Variants in ADGRB3 observed in about 807,000 individuals in gnomAD.
ADGRB3 encodes the protein adhesion G protein-coupled receptor B3.
In ADGRB3, 37 loss-of-function variants were observed where a neutral mutation model predicts 193.4. The observed-to-expected ratio is 0.19, with a 90% CI of 0.15 to 0.25. The LOEUF (loss-of-function observed/expected upper bound fraction) is 0.25. Among genes scored for constraint, ADGRB3 ranks in the 10% least tolerant of loss-of-function variants. ADGRB3 has a pLI of 1.00. For synonymous variants in ADGRB3, 690 were observed against 644.2 expected, an observed-to-expected ratio of 1.07 and a Z score of -1.08; for missense variants, 1,637 against 1,852.9, an observed-to-expected ratio of 0.88 and a Z score of 2.14.
chr6:69,304,918 T>C (rs1215324683), intron 20 of ADGRB3, among the ~76,000 whole-genome samples: 1 of 151,562 alleles, frequency 6.6e-6, no homozygotes, highest in Non-Finnish European at 1.5e-5. Context: ...AATGAATCTG[T>C]AATTTTCAAA....
chr6:68,991,491 C>A (rs1286949679), intron 10 of ADGRB3, among the ~76,000 whole-genome samples: 6 of 151,686 alleles, frequency 4.0e-5, no homozygotes, highest in African/African-American at 1.2e-4. Context: ...TCAGGTAAGA[C>A]CTTTCTGAGA....
intron 3 of ADGRB3, among the ~76,000 whole-genome samples, chr6:68,744,743 A>T (rs1227461273): frequency 6.6e-6 from 1 of 152,090 alleles, no homozygotes; most frequent in Non-Finnish European, 1.5e-5. Flanking sequence ...GTTGGGGGAT[A>T]TGGGGTTAGG....
intron 13 of ADGRB3, among the ~76,000 whole-genome samples, chr6:69,024,981 A>G (rs1357110928): frequency 6.6e-6 from 1 of 151,910 alleles, no homozygotes; most frequent in African/African-American, 2.4e-5. Context: ...AGTCCCAGCT[A>G]CTTGGGAGGC....
intron 3 of ADGRB3, among the ~76,000 whole-genome samples, chr6:68,906,355 T>G (rs912450369): frequency 6.6e-6 from 1 of 151,840 alleles, no homozygotes; most frequent in Non-Finnish European, 1.5e-5. Flanking sequence ...AGGTATACCA[T>G]GTATATTGAA....
chr6:68,956,290 A>ATT (rs1768068296), intron 7 of ADGRB3, 102 bp downstream of exon 7: 5 of 1,043,794 alleles, frequency 4.8e-6, no homozygotes, highest in Non-Finnish European at 6.6e-6. Context: ...GAAGATAATC[A>ATT]TTATATATAT....
At chr6:69,040,345 C>CTT (rs1168159988) in intron 13 of ADGRB3, among the ~76,000 whole-genome samples, 2 of 51,976 alleles carry the variant, frequency 3.8e-5, no homozygotes, top group South Asian at 2.5e-3. Context: ...TTCTTTCTTT[C>CTT]TTTCTTTCTT....
At chr6:69,028,731 A>G (rs1363116735) in intron 13 of ADGRB3, among the ~76,000 whole-genome samples, 1 of 152,148 alleles carries the variant, frequency 6.6e-6, no homozygotes, top group Admixed American at 6.6e-5. Flanking sequence ...GAGTAACCCA[A>G]ATGCTCTAAA....
At chr6:68,969,357 C>G (rs1417373102) in intron 8 of ADGRB3, among the ~76,000 whole-genome samples, 1 of 152,056 alleles carries the variant, frequency 6.6e-6, no homozygotes, top group African/African-American at 2.4e-5. Context: ...TGGATTGAAC[C>G]AACCACAGAT....
chr6:69,228,473 A>G (rs1362041142), intron 17 of ADGRB3, among the ~76,000 whole-genome samples: 2 of 152,232 alleles, frequency 1.3e-5, no homozygotes, highest in Non-Finnish European at 2.9e-5. Flanking sequence ...TAACAGGTAT[A>G]GAGGAGCATG....
chr6:68,938,197 AG>A (rs985266167), intron 5 of ADGRB3, among the ~76,000 whole-genome samples: 13 of 152,112 alleles, frequency 8.5e-5, no homozygotes, highest in Non-Finnish European at 1.8e-4. Context: ...AACTAGAGCA[AG>A]AAAAAAGCAT....
At chr6:68,795,572 T>C (rs924280823) in intron 3 of ADGRB3, among the ~76,000 whole-genome samples, 2 of 152,146 alleles carry the variant, frequency 1.3e-5, no homozygotes, top group Non-Finnish European at 2.9e-5. Flanking sequence ...GTCAAATCAA[T>C]GTTTTTCCTC....
intron 11 of ADGRB3, 149 bp downstream of exon 11, chr6:68,994,111 C>T (rs915718215): frequency 1.4e-6 from 1 of 734,616 alleles, no homozygotes; most frequent in African/African-American, 1.8e-5. Context: ...GAAATGACCT[C>T]AGTTCCCTTA....
At chr6:69,371,152 T>C (rs1335814790) in intron 29 of ADGRB3, among the ~76,000 whole-genome samples, 1 of 152,092 alleles carries the variant, frequency 6.6e-6, no homozygotes, top group East Asian at 1.9e-4. Flanking sequence ...TAAAATAAAA[T>C]TATTTCAGGA....
At chr6:69,252,694 A>G (rs1700952657) in intron 20 of ADGRB3, among the ~76,000 whole-genome samples, 1 of 151,604 alleles carries the variant, frequency 6.6e-6, no homozygotes, top group Admixed American at 6.6e-5. Flanking sequence ...TTTTATTTAG[A>G]TTGTTTGGAT....
intron 5 of ADGRB3, among the ~76,000 whole-genome samples, 200 bp downstream of exon 5, chr6:68,936,880 G>C (rs1387436083): frequency 6.6e-6 from 1 of 152,148 alleles, no homozygotes; most frequent in Non-Finnish European, 1.5e-5. Context: ...TAGGTAAATG[G>C]CTCCTTTCTT....
intron 3 of ADGRB3, among the ~76,000 whole-genome samples, chr6:68,775,988 T>C (rs912829507): frequency 2.0e-5 from 3 of 152,180 alleles, no homozygotes; most frequent in African/African-American, 7.2e-5. Flanking sequence ...GGAGTCGATG[T>C]AGAATTGTGC....
chr6:68,823,538 A>G (rs964420555), intron 3 of ADGRB3, among the ~76,000 whole-genome samples: 1 of 152,120 alleles, frequency 6.6e-6, no homozygotes, highest in Non-Finnish European at 1.5e-5. Flanking sequence ...GACATAAAAC[A>G]TGATAAATAC....
chr6:69,044,061 A>AAAAAC (rs1396638224), intron 13 of ADGRB3, among the ~76,000 whole-genome samples: 7 of 152,232 alleles, frequency 4.6e-5, no homozygotes, highest in African/African-American at 9.6e-5. Flanking sequence ...AAACAAAAAC[A>AAAAAC]AAAACAAAGC....
chr6:68,801,565 T>C (rs550208207), intron 3 of ADGRB3, among the ~76,000 whole-genome samples: 1 of 152,226 alleles, frequency 6.6e-6, no homozygotes, highest in East Asian at 1.9e-4. Context: ...GGCAGGTGCC[T>C]GTAATCCCAG....
Sources: allele counts gnomAD v4.1 joint callset (sites outside exome capture counted in the v4.1 genomes callset), GRCh38; gene constraint gnomAD v4.1.1; transcripts MANE v1.5; gene names NCBI Gene and HGNC (gene_info 2026-07-23, HGNC 2026-07-21).